P2RY14: variants seen among roughly 807,000 people sequenced by gnomAD.
The protein encoded by P2RY14 is P2Y purinoceptor 14.
P2RY14 carries 2 observed loss-of-function variants against 0.9 expected under a neutral mutation model. The ratio of observed to expected loss-of-function variants is 2.16; its 90% CI spans 0.88 to 6.79. The LOEUF is 6.79. Ranked by LOEUF, P2RY14 falls within the 30% of genes most tolerant of loss-of-function variation. The probability of loss-of-function intolerance (pLI) is 0.05; values close to 1 mark genes in which losing one functional copy is unlikely to be tolerated. For synonymous variants in P2RY14, 158 were observed against 147.2 expected (o/e 1.07, Z -0.53); for missense variants, 378 against 400.1 (o/e 0.94, Z 0.47).
intron 1 of P2RY14, among the ~76,000 whole-genome samples, chr3:151,259,367 T>G (rs553296608): frequency 6.6e-6 from 1 of 152,314 alleles, no homozygotes; most frequent in Admixed American, 6.5e-5. Context: ...AGGAAATACT[T>G]TCAGTGAGAT....
At position 151,263,907 on chromosome 3, in the gene P2RY14, G is replaced by A. The variant is rs147445144; in HGVS notation, c.-133+14380C>T. ...TGAAGTCAGTGCAGGGTAAAGTGTG[G>A]CACAGCCTTCAGTTAATGTTAGGAA... On this transcript the variant is annotated intron_variant, in intron 1 of 2. Coordinates refer to ENST00000309170, the MANE Select transcript of P2RY14 (RefSeq NM_014879.4). Among the ~76,000 whole-genome samples, 19 of 152,272 alleles carry A rather than the reference G, an allele frequency of 1.2e-4. No homozygotes were observed. In the East Asian group the frequency reaches 3.5e-3, roughly 28 times the overall value.
At chr3:151,250,436 A>T (rs976656034) in intron 1 of P2RY14, among the ~76,000 whole-genome samples, 2 of 152,092 alleles carry the variant, frequency 1.3e-5, no homozygotes, top group African/African-American at 4.8e-5. Context: ...ATAATTCTCC[A>T]TTTATCCTTG....
intron 1 of P2RY14, among the ~76,000 whole-genome samples, chr3:151,231,665 A>G (rs551197843): frequency 9.9e-5 from 15 of 152,222 alleles, no homozygotes; most frequent in Non-Finnish European, 1.9e-4. Flanking sequence ...CCAAAGAGAA[A>G]TAACACCGTT....
At chr3:151,253,688 C>A (rs1008729170) in intron 1 of P2RY14, among the ~76,000 whole-genome samples, 1 of 151,992 alleles carries the variant, frequency 6.6e-6, no homozygotes, top group African/African-American at 2.4e-5. Flanking sequence ...GCTGATGTTG[C>A]CCCAGTCTCA....
chr3:151,236,393 A>C (rs185187831), intron 1 of P2RY14, among the ~76,000 whole-genome samples: 2 of 152,312 alleles, frequency 1.3e-5, no homozygotes, highest in Admixed American at 1.3e-4. Flanking sequence ...ATAATTCTTG[A>C]TTCAGGAAGC....
intron 1 of P2RY14, among the ~76,000 whole-genome samples, chr3:151,233,785 G>A (rs533736104): frequency 8.5e-5 from 13 of 152,274 alleles, no homozygotes; most frequent in African/African-American, 2.4e-4. Context: ...GAGTCCCACA[G>A]GCATTCTTGG....
At chr3:151,260,596 C>T (rs1276233255) in intron 1 of P2RY14, among the ~76,000 whole-genome samples, 1 of 152,132 alleles carries the variant, frequency 6.6e-6, no homozygotes, top group Non-Finnish European at 1.5e-5. Context: ...AGTGATCCTC[C>T]TGCCACAGTC....
intron 1 of P2RY14, among the ~76,000 whole-genome samples, chr3:151,263,763 AC>A (rs140276177): frequency 0.53 from 80,936 of 151,776 alleles, 22,113 homozygotes; most frequent in Middle Eastern, 0.68. Context: ...TTCCCGTACC[AC>A]CCCCCCCACT....
At chr3:151,260,460 C>T (rs1386239871) in intron 1 of P2RY14, among the ~76,000 whole-genome samples, 1 of 152,092 alleles carries the variant, frequency 6.6e-6, no homozygotes, top group Non-Finnish European at 1.5e-5. Flanking sequence ...AGCAGTCCTC[C>T]CATATTAGCC....
intron 1 of P2RY14, among the ~76,000 whole-genome samples, chr3:151,223,175 C>CAAAAAAAAAAAAAA (rs10646837): frequency 7.9e-6 from 1 of 127,124 alleles, no homozygotes; most frequent in African/African-American, 2.9e-5. Context: ...TTAAAAAGTC[C>CAAAAAAAAAAAAAA]AAAAAAAAAA....
chr3:151,242,127 C>A (rs1314727015), intron 1 of P2RY14, among the ~76,000 whole-genome samples: 2 of 152,172 alleles, frequency 1.3e-5, no homozygotes, highest in East Asian at 3.9e-4. Flanking sequence ...GGTCCTACGC[C>A]CATGGAGTCT....
intron 1 of P2RY14, among the ~76,000 whole-genome samples, chr3:151,265,221 A>C (rs1559957758): frequency 6.6e-6 from 1 of 152,178 alleles, no homozygotes; most frequent in Non-Finnish European, 1.5e-5. Flanking sequence ...AAGGGGAGCT[A>C]CTCATAGAAT....
intron 1 of P2RY14, among the ~76,000 whole-genome samples, chr3:151,242,221 T>G (rs1029619390): frequency 1.3e-5 from 2 of 152,200 alleles, no homozygotes; most frequent in African/African-American, 4.8e-5. Flanking sequence ...TTGCCCAGGC[T>G]TGATTAGGTA....
At chr3:151,269,397 T>TCTCACACACACACACACA (rs925857835) in intron 1 of P2RY14, 1 of 144,616 alleles carries the variant, frequency 6.9e-6, no homozygotes, top group African/African-American at 2.9e-5. Context: ...TGAAACTCCA[T>TCTCACACACACACACACA]CACACACACA....
At chr3:151,274,152 A>G (rs1741467192) in intron 1 of P2RY14, among the ~76,000 whole-genome samples, 3 of 152,254 alleles carry the variant, frequency 2.0e-5, no homozygotes, top group African/African-American at 7.2e-5. Flanking sequence ...CGCTGCCACA[A>G]AACCAAAAGA....
chr3:151,270,094 G>A, intron 1 of P2RY14: 1 of 225,856 alleles, frequency 4.4e-6, no homozygotes, highest in South Asian at 5.9e-5. Flanking sequence ...AGATGATGAT[G>A]AAAGGGAGGA....
chr3:151,251,179 C>T (rs543508947), intron 1 of P2RY14, among the ~76,000 whole-genome samples: 1 of 152,308 alleles, frequency 6.6e-6, no homozygotes, highest in South Asian at 2.1e-4. Context: ...GCACTTGTGA[C>T]ATCTCTGCCA....
intron 1 of P2RY14, among the ~76,000 whole-genome samples, chr3:151,235,095 TTGTAGA>T (rs1732467112): frequency 1.3e-5 from 2 of 152,210 alleles, no homozygotes; most frequent in Non-Finnish European, 2.9e-5. Context: ...CCAATATTCC[TTGTAGA>T]TGTAGATTAT....
chr3:151,228,745 T>C (rs770129044), intron 1 of P2RY14, among the ~76,000 whole-genome samples: 3 of 152,206 alleles, frequency 2.0e-5, no homozygotes, highest in Non-Finnish European at 4.4e-5. Flanking sequence ...GGCACAAAGC[T>C]CTGCATCACT....
Sources: gnomAD v4.1 joint callset for allele counts (sites outside exome capture counted in the v4.1 genomes callset) on GRCh38, gnomAD v4.1.1 for gene constraint, MANE v1.5 for transcripts, NCBI Gene and HGNC (gene_info 2026-07-23, HGNC 2026-07-21) for gene names.